The following CTNNA2 variants were observed in gnomAD, a reference collection of about 807,000 sequenced individuals.
CTNNA2 encodes catenin alpha 2, also known as catenin alpha-2.
Under a neutral mutation model 101.0 loss-of-function variants are expected in CTNNA2, and 42 were observed. The observed-to-expected ratio is 0.42, with a 90% confidence interval of 0.32 to 0.54. The LOEUF is 0.54. CTNNA2 is among the 20% of genes least tolerant of loss of function. The pLI, the probability that CTNNA2 is intolerant of heterozygous loss-of-function variation, is 0.14. For synonymous variants in CTNNA2, 450 were observed against 456.4 expected (o/e 0.99, Z 0.18); for missense variants, 871 against 1,223.1 (o/e 0.71, Z 4.29).
intron 7 of CTNNA2, among the ~76,000 whole-genome samples, chr2:80,036,846 TGTGA>T (rs1375810357): frequency 0.038 from 4,180 of 109,026 alleles, 71 homozygotes; most frequent in African/African-American, 0.079. Context: ...TGTGTGTGTG[TGTGA>T]GAGAGAGAGA....
chr2:79,927,313 GT>G (rs1331543627), intron 7 of CTNNA2, among the ~76,000 whole-genome samples: 10 of 152,126 alleles, frequency 6.6e-5, no homozygotes, highest in African/African-American at 1.2e-4. Flanking sequence ...TATATGCAGT[GT>G]TTGGGAACAG....
intron 3 of CTNNA2, among the ~76,000 whole-genome samples, chr2:79,855,204 C>A (rs1681030892): frequency 6.6e-6 from 1 of 152,072 alleles, no homozygotes; most frequent in African/African-American, 2.4e-5. Flanking sequence ...CTCTCTCTGT[C>A]TTTCTCTTTC....
intron 2 of CTNNA2, among the ~76,000 whole-genome samples, chr2:79,699,977 A>G (rs903742532): frequency 3.3e-5 from 5 of 149,936 alleles, no homozygotes; most frequent in Admixed American, 6.7e-5. Flanking sequence ...TAATGCATAT[A>G]TATTTTATCC....
chr2:79,584,466 C>A, intron 1 of CTNNA2, among the ~76,000 whole-genome samples: 1 of 149,432 alleles, frequency 6.7e-6, no homozygotes. Context: ...TGTTGATATT[C>A]AAATTTAGGA....
At chr2:80,048,698 C>T (rs904716401) in intron 7 of CTNNA2, among the ~76,000 whole-genome samples, 8 of 152,074 alleles carry the variant, frequency 5.3e-5, no homozygotes, top group East Asian at 3.9e-4. Context: ...GATAAACTGG[C>T]GTATAAGTGA....
chr2:80,050,527 C>A (rs1696809515), intron 7 of CTNNA2, among the ~76,000 whole-genome samples: 1 of 152,150 alleles, frequency 6.6e-6, no homozygotes, highest in Non-Finnish European at 1.5e-5. Context: ...AGATAGCGGG[C>A]CCTTGCTTCA....
intron 2 of CTNNA2, among the ~76,000 whole-genome samples, chr2:79,295,535 T>G (rs1675957998): frequency 6.6e-6 from 1 of 151,948 alleles, no homozygotes. Flanking sequence ...TTTTTTTTAT[T>G]TCACCCTCTC....
chr2:80,172,023 G>A (rs1009703308), intron 7 of CTNNA2, among the ~76,000 whole-genome samples: 5 of 152,156 alleles, frequency 3.3e-5, no homozygotes, highest in African/African-American at 1.2e-4. Flanking sequence ...GAGGGTGCAT[G>A]TAAAGCAGCA....
intron 4 of CTNNA2, among the ~76,000 whole-genome samples, chr2:79,422,160 A>G (rs1022971037): frequency 1.3e-5 from 2 of 152,138 alleles, no homozygotes; most frequent in Non-Finnish European, 1.5e-5. Flanking sequence ...CTCAAAAACA[A>G]ACAAACAGTG....
At chr2:79,610,984 A>C in intron 1 of CTNNA2, among the ~76,000 whole-genome samples, 1 of 152,178 alleles carries the variant, frequency 6.6e-6, no homozygotes, top group Admixed American at 6.6e-5. Context: ...GATAAATCTC[A>C]AAACCGTAAT....
intron 3 of CTNNA2, among the ~76,000 whole-genome samples, chr2:79,817,005 T>A (rs1044158299): frequency 3.3e-5 from 5 of 151,254 alleles, no homozygotes; most frequent in East Asian, 2.0e-4. Flanking sequence ...TCTTTTTTTT[T>A]ATAGGAGATA....
intron 7 of CTNNA2, among the ~76,000 whole-genome samples, chr2:80,371,670 A>G (rs1399127554): frequency 2.6e-5 from 4 of 152,134 alleles, no homozygotes; most frequent in Admixed American, 2.0e-4. Flanking sequence ...GTTATTGAAT[A>G]AAATGATGGA....
intron 7 of CTNNA2, among the ~76,000 whole-genome samples, chr2:80,244,989 T>G (rs1339277874): frequency 6.6e-6 from 1 of 152,048 alleles, no homozygotes; most frequent in East Asian, 1.9e-4. Flanking sequence ...AAGCGGGCGT[T>G]TTTATTGTTC....
intron 11 of CTNNA2, among the ~76,000 whole-genome samples, chr2:80,553,062 C>G (rs143624733): frequency 8.1e-6 from 1 of 123,396 alleles, no homozygotes; most frequent in Admixed American, 8.4e-5. Context: ...ACTAAAAAGA[C>G]AAAAAAAAAA....
At chr2:80,488,165 TA>T in intron 9 of CTNNA2, among the ~76,000 whole-genome samples, 1 of 152,240 alleles carries the variant, frequency 6.6e-6, no homozygotes, top group African/African-American at 2.4e-5. Flanking sequence ...GGATAATGGT[TA>T]AAAAAATGAG....
intron 4 of CTNNA2, among the ~76,000 whole-genome samples, chr2:79,485,712 T>A (rs547443964): frequency 1.3e-5 from 2 of 152,294 alleles, no homozygotes; most frequent in African/African-American, 4.8e-5. Flanking sequence ...ATCAATGAAG[T>A]AGGAAAATTA....
chr2:79,742,728 C>A lies in CTNNA2; in HGVS notation c.103-1659C>A, dbSNP rs141567573. ...GCATACACATTTTACAGCTAAACCA[C>A]TATTATCTGATATTCTTATAGTTAA... On this transcript the variant is annotated intron_variant, in intron 2 of 18. Coordinates refer to ENST00000402739, the MANE Select transcript of CTNNA2 (RefSeq NM_001282597.3). 4.6e-3 allele frequency among the ~76,000 whole-genome samples: 703 copies of A among 152,250 alleles called. 12 individuals are homozygous for A. Among genetic ancestry groups the A allele is most frequent in the South Asian group, 0.038 (184 of 4,832 alleles).
chr2:79,654,921 G>T (rs1236075762), intron 2 of CTNNA2, among the ~76,000 whole-genome samples: 1 of 152,162 alleles, frequency 6.6e-6, no homozygotes, highest in African/African-American at 2.4e-5. Context: ...GAACAAAATT[G>T]AGGATAAACA....
intron 3 of CTNNA2, among the ~76,000 whole-genome samples, chr2:79,748,835 G>A (rs66960517): frequency 0.095 from 14,452 of 152,024 alleles, 781 homozygotes; most frequent in African/African-American, 0.12. Context: ...GAATATTCCA[G>A]TAGAAGATTT....
Sources: allele counts gnomAD v4.1 joint callset (sites outside exome capture counted in the v4.1 genomes callset), GRCh38; gene constraint gnomAD v4.1.1; transcripts MANE v1.5; gene names NCBI Gene and HGNC (gene_info 2026-07-23, HGNC 2026-07-21).